The following CCDC88A variants were observed in gnomAD, a reference collection of about 807,000 sequenced individuals.
CCDC88A encodes girdin.
A neutral mutation model predicts 234.3 loss-of-function variants in CCDC88A; 54 were observed. The observed-to-expected ratio is 0.23, with a 90% confidence interval of 0.19 to 0.29. CCDC88A has a LOEUF of 0.29. CCDC88A is among the 10% of genes least tolerant of loss of function. The pLI is 1.00. For synonymous variants in CCDC88A, 753 were observed against 737.8 expected, an observed-to-expected ratio of 1.02 and a Z score of -0.33; for missense variants, 1,832 against 2,123.4, an observed-to-expected ratio of 0.86 and a Z score of 2.70.
chr2:55,396,929 C>CATCATAT (rs1677699150), intron 2 of CCDC88A, among the ~76,000 whole-genome samples: 1 of 144,428 alleles, frequency 6.9e-6, no homozygotes, highest in Non-Finnish European at 1.5e-5. Context: ...CCCGAGTGTA[C>CATCATAT]ATCATATATC....
chr2:55,353,649 C>CAAAAAAAAAAAAAA lies in CCDC88A; in HGVS notation c.800+1916_800+1929dup, dbSNP rs34022778. Among the ~76,000 whole-genome samples the CAAAAAAAAAAAAAA allele has an allele frequency of 7.8e-5, 6 of 77,078 alleles. 1 individual carries two copies. The highest frequency in any genetic ancestry group is 3.8e-4 in the East Asian group (1 of 2,638). The allele number at this position is 77,078 out of a possible 152,430, so 50.6% of individuals were successfully genotyped here. On this transcript the variant is annotated intron_variant, in intron 8 of 32. Transcript: ENST00000436346. ...AAGCTCAAATTCCAAGAAACCAAAC[C>CAAAAAAAAAAAAAA]AAAAAAAAAAAAAAAAAAAAGCCCC...
rs1553436316 is a variant in CCDC88A, at chr2:55,401,470, A to ATGTGTGTG, written c.165-12592_165-12585dup. Among the ~76,000 whole-genome samples, 25 of 31,516 alleles carry ATGTGTGTG rather than the reference A, an allele frequency of 7.9e-4. 8 individuals are homozygous for ATGTGTGTG. The highest frequency in any genetic ancestry group is 3.5e-3 in the Admixed American group (6 of 1,736). The allele number at this position is 31,516 out of a possible 152,430, so 20.7% of individuals were successfully genotyped here. A position where few individuals can be genotyped will look rare whatever the true frequency, so the allele number is the denominator to read the frequency against. On this transcript the variant is annotated intron_variant, in intron 2 of 32. Transcript: ENST00000436346. Reference sequence around the variant, plus strand: ...AAAATATATATATATATATATACATATGTGTGTGTATGTATGTGTGTGTGT... The same window carrying ATGTGTGTG: ...AAAATATATATATATATATATACATATGTGTGTGTGTGTGTGTATGTATGTGTGTGTGT...
intron 7 of CCDC88A, among the ~76,000 whole-genome samples, chr2:55,360,473 T>C (rs943149180): frequency 1.3e-5 from 2 of 152,204 alleles, no homozygotes; most frequent in Non-Finnish European, 2.9e-5. Flanking sequence ...CCCGGATAAC[T>C]GGATATCTCT....
intron 13 of CCDC88A, 136 bp downstream of exon 13, chr2:55,339,328 G>T: frequency 2.5e-6 from 2 of 802,160 alleles, no homozygotes; most frequent in South Asian, 1.9e-5. Context: ...CACCATATTT[G>T]TGTATATTTG....
Position 55,335,039 on chromosome 2 carries a change from T to G in CCDC88A, c.1782A>C (p.Glu594Asp), listed in dbSNP as rs777232320. The change falls in exon 15 of 33, where the codon GAA (glutamate) becomes GAC (aspartate). Residue 594 changes from glutamate to aspartate, a missense_variant. Physicochemically the swap from Glu to Asp is conservative, Grantham distance 45. Around this residue, in one of 6 missense-constraint regions of CCDC88A, gnomAD observed 1,282 missense variants for 1,543.6 expected, o/e 0.83. Coordinates refer to ENST00000436346, the MANE Select transcript of CCDC88A (RefSeq NM_001365480.1). This position sits in a 1 kb window ranked among gnomAD's most constrained non-coding sequence, Gnocchi z 4.5. ...GCTTGCTACTTGTTTCTTTGATAGATTCATGAAGAATTTTGTTTTCTTTTT... is the reference window on the plus strand; with the variant it reads ...GCTTGCTACTTGTTTCTTTGATAGAGTCATGAAGAATTTTGTTTTCTTTTT... ...DIEKENKILH[E>D]SIKETSSKLS... is the part of the protein sequence containing the mutation. 2 of 1,611,374 alleles carry G rather than the reference T, an allele frequency of 1.2e-6. No homozygotes were observed. The highest frequency in any genetic ancestry group is 1.7e-6 in the Non-Finnish European group (2 of 1,178,352).
chr2:55,351,480 G>A (rs190719891), intron 8 of CCDC88A, among the ~76,000 whole-genome samples: 20 of 152,072 alleles, frequency 1.3e-4, no homozygotes, highest in Non-Finnish European at 2.6e-4. Flanking sequence ...CCACGTAGCT[G>A]GGACCACAGG....
rs1680669118 is a variant in CCDC88A at position 55,299,861 on chromosome 2, A to G, written c.4803T>C (p.Asn1601=). The G allele has an allele frequency of 6.2e-7, 1 of 1,612,738 alleles. No individual in the cohort carries two copies. Among genetic ancestry groups the G allele is most frequent in the Admixed American group, 1.7e-5 (1 of 59,994 alleles). The change falls in exon 29 of 33, where the codon AAT becomes AAC. Residue 1601 remains asparagine, a synonymous_variant. Coordinates refer to ENST00000436346, the MANE Select transcript of CCDC88A (RefSeq NM_001365480.1). ...GRTSTSNSNN[N]ASLHEVKAGA... ...TACCTTTGACTTCATGTAGTGAAGC[A>G]TTATTATTGCTATTGCTAGTGGATG... is the stretch of plus-strand genomic sequence containing the variant.
intron 10 of CCDC88A, 93 bp from the exon 11 acceptor site, chr2:55,344,607 C>T: frequency 1.4e-6 from 1 of 698,352 alleles, no homozygotes; most frequent in Non-Finnish European, 2.2e-6. Context: ...CCATCTTTAT[C>T]AACAGTTCTA....
intron 10 of CCDC88A, 35 bp from the exon 11 acceptor site, chr2:55,344,549 T>C: frequency 8.1e-7 from 1 of 1,229,176 alleles, no homozygotes. Context: ...TTAATATCTG[T>C]TAATTTTTTA....
At chr2:55,344,030 C>A (rs919953504) in intron 11 of CCDC88A, 1 of 406,036 alleles carries the variant, frequency 2.5e-6, no homozygotes. Flanking sequence ...TCATAGTCAA[C>A]ATACTGTTTT....
At chr2:55,415,706 G>A (rs1374012616) in intron 2 of CCDC88A, among the ~76,000 whole-genome samples, 2 of 152,154 alleles carry the variant, frequency 1.3e-5, no homozygotes. Context: ...CAGAATATAA[G>A]TGTGAGGAAA....
chr2:55,375,469 CTATATATATATATATATATATATATATA>C (rs869279076), intron 3 of CCDC88A, among the ~76,000 whole-genome samples: 2 of 26,606 alleles, frequency 7.5e-5, no homozygotes, highest in East Asian at 8.3e-4. Flanking sequence ...TGTCACTGTA[CTATATATATATATATATATATATATATA>C]TATATATATA....
intron 23 of CCDC88A, among the ~76,000 whole-genome samples, chr2:55,311,921 T>C (rs527440781): frequency 2.0e-4 from 30 of 152,278 alleles, no homozygotes; most frequent in Admixed American, 1.4e-3. Flanking sequence ...CACTTCTCTA[T>C]TGCACCCCTC....
At chr2:55,301,336 AT>A in intron 27 of CCDC88A, 59 bp from the exon 28 acceptor site, 1 of 892,284 alleles carries the variant, frequency 1.1e-6, no homozygotes, top group Non-Finnish European at 1.7e-6. Context: ...CCATTATAAA[AT>A]TTTATTTACA....
At chr2:55,356,689 GGAGGCC>G (rs1339903681) in intron 7 of CCDC88A, 3 of 152,156 alleles carry the variant, frequency 2.0e-5, no homozygotes, top group Admixed American at 6.6e-5. Flanking sequence ...CAGCACTTAG[GGAGGCC>G]GAGGAGGGCA....
At position 55,363,965 on chromosome 2, in the gene CCDC88A, G is replaced by A; in HGVS notation, c.471C>T (p.Ala157=). 3.1e-6 allele frequency: 5 copies of A among 1,593,584 alleles called. No individual in the cohort carries two copies. The highest frequency in any genetic ancestry group is 3.4e-6 in the Non-Finnish European group (4 of 1,165,624). ...ATGTCATTACCTCTTGAATATGTGCGGCAACCGCTGCTTTTGTATCAAAAT... is the reference window on the plus strand; with the variant it reads ...ATGTCATTACCTCTTGAATATGTGCAGCAACCGCTGCTTTTGTATCAAAAT... ...GLDFDTKAAV[A]AHIQEVTHNQ... The change falls in exon 6 of 33, where the codon GCC becomes GCT. Residue 157 remains alanine, a synonymous_variant. Coordinates refer to ENST00000436346, the MANE Select transcript of CCDC88A (RefSeq NM_001365480.1).
At position 55,334,570 on chromosome 2, in the gene CCDC88A, T is replaced by A. The variant is rs778285780; in HGVS notation, c.2251A>T (p.Thr751Ser). 1.2e-6 allele frequency: 2 copies of A among 1,613,216 alleles called. No individual in the cohort carries two copies. Among genetic ancestry groups the A allele is most frequent in the Non-Finnish European group, 1.7e-6 (2 of 1,179,720 alleles). The change falls in exon 15 of 33, where the codon ACA (threonine) becomes TCA (serine). Residue 751 changes from threonine to serine, a missense_variant. By Grantham distance (58) the Thr-to-Ser change is moderately conservative. Coordinates refer to ENST00000436346, the MANE Select transcript of CCDC88A (RefSeq NM_001365480.1). The surrounding 1 kb of genome is among the most constrained non-coding windows in gnomAD (Gnocchi z 6.1). ...TGGTAGCTAACTTCTAAGCGTTCTG[T>A]TTTCTTGAAAGATGCTTTCAGGAGC... ...LELLKASFKK[T>S]ERLEVSYQGL...
At chr2:55,342,837 G>T (rs1384724697) in intron 12 of CCDC88A, among the ~76,000 whole-genome samples, 1 of 152,060 alleles carries the variant, frequency 6.6e-6, no homozygotes, top group Non-Finnish European at 1.5e-5. Flanking sequence ...TTGGTGTCTG[G>T]TATAGTATTT....
intron 2 of CCDC88A, among the ~76,000 whole-genome samples, chr2:55,398,248 T>C (rs1018312289): frequency 6.6e-6 from 1 of 152,200 alleles, no homozygotes; most frequent in Non-Finnish European, 1.5e-5. Flanking sequence ...TTGAACAGGC[T>C]AATACCTAAG....
Sources: allele counts gnomAD v4.1 joint callset (sites outside exome capture counted in the v4.1 genomes callset), GRCh38; gene constraint gnomAD v4.1.1; regional missense constraint gnomAD v4.1.1; non-coding constraint Gnocchi (gnomAD v3.1); transcripts MANE v1.5; gene names NCBI Gene and HGNC (gene_info 2026-07-23, HGNC 2026-07-21).